Variants in RBFOX1 observed in about 807,000 individuals in gnomAD.
RBFOX1 encodes the protein RNA binding fox-1 homolog 1, also known as RNA binding protein fox-1 homolog 1.
In RBFOX1, 8 loss-of-function variants were observed where a neutral mutation model predicts 57.7. The ratio of observed to expected loss-of-function variants is 0.14; its 90% CI spans 0.08 to 0.25. RBFOX1 has a LOEUF of 0.25. RBFOX1 is among the 10% of genes least tolerant of loss of function. The pLI is 1.00. For synonymous variants in RBFOX1, 326 were observed against 222.4 expected, an observed-to-expected ratio of 1.47 and a Z score of -4.15; for missense variants, 611 against 548.5, an observed-to-expected ratio of 1.11 and a Z score of -1.14.
rs187160057 is a variant in RBFOX1, at chr16:7,377,008, A to C, written c.28-141139A>C. ...CAGGTGGTTGCTTGGAAAAGCAGTG[A>C]TTTCCATAGGTCCCTGTAAAGATTT... On this transcript the variant is annotated intron_variant, in intron 4 of 15. Transcript: ENST00000550418. Among the ~76,000 whole-genome samples, 17 of 152,282 alleles carry C rather than the reference A, an allele frequency of 1.1e-4. No individual in the cohort carries two copies. In the East Asian group the frequency reaches 3.1e-3, roughly 28 times the overall value.
intron 1 of RBFOX1, among the ~76,000 whole-genome samples, chr16:6,266,215 A>G (rs1350989491): frequency 6.6e-6 from 1 of 152,174 alleles, no homozygotes; most frequent in Non-Finnish European, 1.5e-5. Context: ...GATGACATGT[A>G]GCAAAGCCAT....
intron 2 of RBFOX1, among the ~76,000 whole-genome samples, chr16:6,500,895 T>G (rs139387122): frequency 4.7e-5 from 1 of 21,334 alleles, no homozygotes; most frequent in Admixed American, 7.6e-4. Flanking sequence ...TTTTTTTTTT[T>G]TTTTTTAATG....
chr16:5,767,289 C>CT (rs1264217223), intron 3 of RBFOX1, among the ~76,000 whole-genome samples: 1 of 152,186 alleles, frequency 6.6e-6, no homozygotes, highest in African/African-American at 2.4e-5. Flanking sequence ...AGGCGGAGAG[C>CT]TGCTCATGGT....
chr16:5,972,924 G>GA (rs1213340387), intron 4 of RBFOX1, among the ~76,000 whole-genome samples: 1 of 152,176 alleles, frequency 6.6e-6, no homozygotes, highest in African/African-American at 2.4e-5. Context: ...CTTTTCCACA[G>GA]ACAAAAACAG....
chr16:7,203,261 C>A (rs2152735538), intron 4 of RBFOX1, among the ~76,000 whole-genome samples: 1 of 152,250 alleles, frequency 6.6e-6, no homozygotes, highest in Non-Finnish European at 1.5e-5. Flanking sequence ...GCCCTGAGGA[C>A]ATTATTCTAA....
intron 1 of RBFOX1, among the ~76,000 whole-genome samples, chr16:5,327,251 A>G (rs1033137766): frequency 1.4e-4 from 21 of 152,078 alleles, no homozygotes; most frequent in African/African-American, 4.6e-4. Flanking sequence ...CCCTGCACCA[A>G]TCTGCTGAAT....
chr16:7,168,627 A>G (rs1215691601), intron 4 of RBFOX1, among the ~76,000 whole-genome samples: 4 of 152,134 alleles, frequency 2.6e-5, no homozygotes, highest in Non-Finnish European at 4.4e-5. Flanking sequence ...AGCAATTTTT[A>G]TGTCTTCTGC....
intron 3 of RBFOX1, among the ~76,000 whole-genome samples, chr16:5,691,461 T>C (rs149367362): frequency 2.0e-5 from 3 of 152,346 alleles, no homozygotes; most frequent in South Asian, 4.1e-4. Flanking sequence ...TATTTGTTAA[T>C]TCAATGTTCA....
At chr16:6,225,098 C>G (rs146845285) in intron 1 of RBFOX1, among the ~76,000 whole-genome samples, 1 of 150,966 alleles carries the variant, frequency 6.6e-6, no homozygotes, top group East Asian at 2.0e-4. Flanking sequence ...GGCTCCTTTC[C>G]TTCTGGGAAG....
intron 2 of RBFOX1, among the ~76,000 whole-genome samples, chr16:6,614,769 A>T (rs2098119364): frequency 6.6e-6 from 1 of 151,978 alleles, no homozygotes; most frequent in African/African-American, 2.4e-5. Context: ...CTGACTTCAC[A>T]TGGCCATTTT....
intron 3 of RBFOX1, among the ~76,000 whole-genome samples, chr16:5,815,191 A>T (rs1469854304): frequency 7.9e-6 from 1 of 125,896 alleles, no homozygotes; most frequent in Non-Finnish European, 1.6e-5. Flanking sequence ...AGACAGTCTC[A>T]CTATGTTGCC....
At chr16:7,234,978 T>C (rs1210931017) in intron 4 of RBFOX1, among the ~76,000 whole-genome samples, 1 of 152,126 alleles carries the variant, frequency 6.6e-6, no homozygotes, top group Non-Finnish European at 1.5e-5. Context: ...AATTTATTTC[T>C]ACCTCTGCAG....
chr16:6,019,552 C>T lies in RBFOX1; in HGVS notation c.-567C>T, dbSNP rs1332140042. 10 of 1,116,994 alleles carry T rather than the reference C, an allele frequency of 9.0e-6. No individual in the cohort carries two copies. The East Asian group carries it at 3.3e-4, about 37-fold the overall frequency. The allele number at this position is 1,116,994 out of a possible 1,614,324, so 69.2% of individuals were successfully genotyped here. A position where few individuals can be genotyped will look rare whatever the true frequency, so the allele number is the denominator to read the frequency against. ...CTGCCAGCCCCGGGAACAGCAGAGG[C>T]GGCGGCACTGGCTGGACCCACGCGC... On this transcript the variant is annotated 5_prime_UTR_variant, in exon 1 of 16. Coordinates refer to ENST00000550418, the MANE Select transcript of RBFOX1 (RefSeq NM_018723.4). The surrounding 1 kb of genome is among the most constrained non-coding windows in gnomAD (Gnocchi z 4.2).
intron 2 of RBFOX1, among the ~76,000 whole-genome samples, chr16:6,578,091 C>T (rs562281062): frequency 6.6e-6 from 1 of 152,100 alleles, no homozygotes. Context: ...TAAGTTAGTC[C>T]TCAAGCATCT....
chr16:5,776,643 G>A (rs544216486), intron 3 of RBFOX1, among the ~76,000 whole-genome samples: 9 of 152,226 alleles, frequency 5.9e-5, no homozygotes, highest in Non-Finnish European at 1.2e-4. Context: ...TAAAGCAATG[G>A]TGTGGGTGTT....
At chr16:6,838,171 C>G (rs1490114354) in intron 3 of RBFOX1, among the ~76,000 whole-genome samples, 3 of 152,198 alleles carry the variant, frequency 2.0e-5, no homozygotes, top group South Asian at 2.1e-4. Context: ...AATGCTCTAC[C>G]TCCCCTTGCC....
chr16:7,161,301 G>A (rs1017870514), intron 4 of RBFOX1, among the ~76,000 whole-genome samples: 2 of 151,590 alleles, frequency 1.3e-5, no homozygotes, highest in Non-Finnish European at 2.9e-5. Flanking sequence ...GTATGTGTAA[G>A]GAATATTTGC....
chr16:5,489,389 G>A (rs1343268272), intron 2 of RBFOX1, among the ~76,000 whole-genome samples: 2 of 152,246 alleles, frequency 1.3e-5, no homozygotes, highest in Non-Finnish European at 2.9e-5. Flanking sequence ...GCTGGGCTCT[G>A]AGACACTGGT....
At chr16:5,365,009 C>T (rs538579513) in intron 1 of RBFOX1, among the ~76,000 whole-genome samples, 2 of 152,138 alleles carry the variant, frequency 1.3e-5, no homozygotes, top group African/African-American at 2.4e-5. Context: ...AAGCAAACTC[C>T]GAGACATGGA....
Sources: allele counts gnomAD v4.1 joint callset (sites outside exome capture counted in the v4.1 genomes callset), GRCh38; gene constraint gnomAD v4.1.1; non-coding constraint Gnocchi (gnomAD v3.1); transcripts MANE v1.5; gene names NCBI Gene and HGNC (gene_info 2026-07-23, HGNC 2026-07-21).